COL14A1: variants seen among roughly 807,000 people sequenced by gnomAD.
The protein encoded by COL14A1 is collagen type XIV alpha 1 chain, also known as collagen alpha-1(XIV) chain.
A neutral mutation model predicts 230.3 loss-of-function variants in COL14A1; 136 were observed. That is an observed-to-expected ratio of 0.59 (90% CI 0.51 to 0.68). The LOEUF (loss-of-function observed/expected upper bound fraction) is 0.68. Ranked by LOEUF, COL14A1 falls within the 30% of genes least tolerant of loss-of-function variation. The pLI, the probability that COL14A1 is intolerant of heterozygous loss-of-function variation, is 0.00. For missense variants in COL14A1, 1,976 were observed against 2,215.8 expected, an observed-to-expected ratio of 0.89 and a Z score of 2.17; for synonymous variants, 792 against 784.1, an observed-to-expected ratio of 1.01 and a Z score of -0.17.
chr8:120,125,003 G>C (rs1276241995), upstream of COL14A1: 3 of 152,410 alleles, frequency 2.0e-5, no homozygotes, highest in African/African-American at 7.2e-5. Context: ...AGGAGAGAAA[G>C]TGGGGGCGTT....
chr8:120,193,207 T>C (rs1047127053), intron 5 of COL14A1, among the ~76,000 whole-genome samples: 2 of 152,218 alleles, frequency 1.3e-5, no homozygotes, highest in African/African-American at 2.4e-5. Context: ...ATGATGGTGA[T>C]GTACGGATAG....
At chr8:120,190,665 A>G (rs931133331) in intron 5 of COL14A1, among the ~76,000 whole-genome samples, 4 of 152,102 alleles carry the variant, frequency 2.6e-5, no homozygotes, top group African/African-American at 9.7e-5. Context: ...CTGTGAATCC[A>G]TCTGGTCCTG....
chr8:120,203,686 C>A lies in COL14A1; in HGVS notation c.878-23C>A, dbSNP rs761784860. The A allele has an allele frequency of 6.2e-6, 10 of 1,611,256 alleles. No homozygotes were observed. In the African/African-American group the frequency reaches 1.3e-4, roughly 22 times the overall value. Reference sequence around the variant, plus strand: ...CCAAGGGGGCATAAAAGTCACCATTCTCTTTTTTGTCCTCTGTGTAAGGGG... The same window carrying A: ...CCAAGGGGGCATAAAAGTCACCATTATCTTTTTTGTCCTCTGTGTAAGGGG... On this transcript the variant is annotated intron_variant, in intron 8 of 47. Coordinates refer to ENST00000297848, the MANE Select transcript of COL14A1 (RefSeq NM_021110.4).
At chr8:120,254,072 T>C (rs1179054502) in intron 22 of COL14A1, among the ~76,000 whole-genome samples, 2 of 152,236 alleles carry the variant, frequency 1.3e-5, no homozygotes, top group African/African-American at 2.4e-5. Context: ...GTATAAATTA[T>C]AGTTAGACAA....
rs536981400 is a variant in COL14A1, at chr8:120,339,031, T to A, written c.4786-2294T>A. 9.9e-5 allele frequency among the ~76,000 whole-genome samples: 15 copies of A among 152,242 alleles called. No individual in the cohort carries two copies. In the South Asian group the frequency reaches 1.5e-3, roughly 15 times the overall value. On this transcript the variant is annotated intron_variant, in intron 42 of 47. Coordinates refer to ENST00000297848, the MANE Select transcript of COL14A1 (RefSeq NM_021110.4). ...GTAAATCTTACTTTTGCAAAAAAAA[T>A]TTTATGATGGAACGCCTCCCAGGTT...
intron 36 of COL14A1, among the ~76,000 whole-genome samples, chr8:120,301,211 A>G (rs1010882125): frequency 6.6e-6 from 1 of 151,888 alleles, no homozygotes; most frequent in African/African-American, 2.4e-5. Context: ...TTAAACTTTT[A>G]CTTTAGGTTC....
At chr8:120,225,985 G>A (rs1041105730) in intron 15 of COL14A1, among the ~76,000 whole-genome samples, 1 of 150,126 alleles carries the variant, frequency 6.7e-6, no homozygotes, top group African/African-American at 2.5e-5. Context: ...AAAAAGTTGG[G>A]TTTTTATGTT....
At chr8:120,361,860 C>T (rs1041338609) in intron 45 of COL14A1, among the ~76,000 whole-genome samples, 1 of 152,084 alleles carries the variant, frequency 6.6e-6, no homozygotes, top group East Asian at 1.9e-4. Context: ...GGCCAACAGG[C>T]CAAAGAAAAT....
intron 5 of COL14A1, among the ~76,000 whole-genome samples, chr8:120,174,673 G>A (rs1816216079): frequency 1.3e-5 from 2 of 152,116 alleles, no homozygotes; most frequent in Admixed American, 1.3e-4. Context: ...GAGAACTTGG[G>A]GTAGGGCAAG....
At chr8:120,213,025 C>T (rs959999404) in intron 13 of COL14A1, among the ~76,000 whole-genome samples, 17 of 152,176 alleles carry the variant, frequency 1.1e-4, no homozygotes, top group Admixed American at 2.0e-4. Context: ...TGTGAAAACA[C>T]TCAGCACATA....
At chr8:120,214,368 G>A (rs1817690587) in intron 13 of COL14A1, among the ~76,000 whole-genome samples, 2 of 152,130 alleles carry the variant, frequency 1.3e-5, no homozygotes, top group Non-Finnish European at 2.9e-5. Context: ...TATGCTATGT[G>A]TCAGACTCAT....
intron 40 of COL14A1, among the ~76,000 whole-genome samples, chr8:120,330,643 A>G (rs1821830993): frequency 6.6e-6 from 1 of 152,150 alleles, no homozygotes; most frequent in Non-Finnish European, 1.5e-5. Context: ...GCTACAATTT[A>G]AGAGAGATTT....
At chr8:120,313,863 C>A in intron 37 of COL14A1, 69 bp from the exon 38 acceptor site, 3 of 935,598 alleles carry the variant, frequency 3.2e-6, no homozygotes, top group Non-Finnish European at 4.9e-6. Context: ...TTGTCCTAAG[C>A]AGAAATATTT....
rs1399743960 is a variant in COL14A1 at position 120,207,061 on chromosome 8, G to A, written c.1158G>A (p.Val386=). 3 of 1,613,504 alleles carry A rather than the reference G, an allele frequency of 1.9e-6. No individual in the cohort carries two copies. The highest frequency in any genetic ancestry group is 1.7e-5 in the Admixed American group (1 of 59,912). Residue 386 remains valine (V), a synonymous_variant, in exon 10 of 48, where the codon GTG becomes GTA. Coordinates refer to ENST00000297848, the MANE Select transcript of COL14A1 (RefSeq NM_021110.4). The part of the protein sequence containing the change: ...APGNVEKYRV[V]YYPTRGGKPD... Reference sequence around the variant, plus strand: ...GAAATGTGGAAAAATACAGAGTTGTGTATTATCCTACCAGGGGTGGAAAAC... The same window carrying A: ...GAAATGTGGAAAAATACAGAGTTGTATATTATCCTACCAGGGGTGGAAAAC...
At chr8:120,254,191 C>G (rs1435599715) in intron 22 of COL14A1, among the ~76,000 whole-genome samples, 2 of 151,938 alleles carry the variant, frequency 1.3e-5, no homozygotes, top group Non-Finnish European at 2.9e-5. Context: ...AGTCAGAGGT[C>G]ATTAGGAAAA....
At chr8:120,150,267 C>T (rs976054369) in intron 2 of COL14A1, among the ~76,000 whole-genome samples, 1 of 151,978 alleles carries the variant, frequency 6.6e-6, no homozygotes, top group African/African-American at 2.4e-5. Context: ...ATAGCAATAT[C>T]GATGATTCTC....
At chr8:120,210,088 G>A (rs1817576354) in intron 12 of COL14A1, among the ~76,000 whole-genome samples, 187 bp downstream of exon 12, 1 of 152,008 alleles carries the variant, frequency 6.6e-6, no homozygotes, top group Non-Finnish European at 1.5e-5. Context: ...CTTTGTCGAT[G>A]CATTTTGAAA....
At chr8:120,176,236 A>G (rs146149887) in intron 5 of COL14A1, among the ~76,000 whole-genome samples, 2 of 152,322 alleles carry the variant, frequency 1.3e-5, no homozygotes, top group Non-Finnish European at 2.9e-5. Context: ...CCTAGTGTCA[A>G]GCACTGAATT....
intron 19 of COL14A1, among the ~76,000 whole-genome samples, chr8:120,240,618 C>G (rs543154623): frequency 1.2e-4 from 19 of 152,240 alleles, no homozygotes; most frequent in African/African-American, 4.6e-4. Flanking sequence ...CCTTAACTCT[C>G]AAGGCTGATT....
Sources: allele counts gnomAD v4.1 joint callset (sites outside exome capture counted in the v4.1 genomes callset), GRCh38; gene constraint gnomAD v4.1.1; transcripts MANE v1.5; gene names NCBI Gene and HGNC (gene_info 2026-07-23, HGNC 2026-07-21).